MAML2: variants seen among roughly 807,000 people sequenced by gnomAD.
The protein encoded by MAML2 is mastermind like transcriptional coactivator 2.
A neutral mutation model predicts 96.1 loss-of-function variants in MAML2; 22 were observed. That is an observed-to-expected ratio of 0.23 (90% CI 0.16 to 0.33). MAML2 has a LOEUF of 0.33. MAML2 is among the 10% of genes least tolerant of loss of function. The pLI, the probability that MAML2 is intolerant of heterozygous loss-of-function variation, is 1.00. For synonymous variants in MAML2, 561 were observed against 521.3 expected (o/e 1.08, Z -1.04); for missense variants, 1,367 against 1,392.4 (o/e 0.98, Z 0.29).
At position 95,978,957 on chromosome 11, in the gene MAML2, G is replaced by A. The variant is rs1203520912; in HGVS notation, c.3462C>T (p.Asn1154=). ...KDINLDEILG[N]NS is the part of the protein sequence containing the mutation. ...GTCTTCCCTTTCTTCTTTAGGAATT[G>A]TTCCCCAAGATTTCATCAAGATTGA... Residue 1154 remains asparagine, a synonymous_variant, in exon 5 of 5, where the codon AAC becomes AAT. Transcript: ENST00000524717. 7.5e-6 allele frequency: 12 copies of A among 1,605,494 alleles called. No individual in the cohort carries two copies. The highest frequency in any genetic ancestry group is 1.7e-4 in the Middle Eastern group (1 of 6,030).
rs752748249 is a variant in MAML2 at position 96,333,353 on chromosome 11, G to GA, written c.513+8029dup. Among the ~76,000 whole-genome samples, 367 of 139,010 alleles carry GA rather than the reference G, an allele frequency of 2.6e-3. 1 individual carries two copies. Among genetic ancestry groups the GA allele is most frequent in the African/African-American group, 8.1e-3 (309 of 38,022 alleles). The allele number at this position is 139,010 out of a possible 152,430, so 91.2% of individuals were successfully genotyped here. ...TAAGGTTAAATCATGGGGAGTAAGCGAAAAAAAAAAAAGATAAAAATTTTT... is the reference window on the plus strand; with the variant it reads ...TAAGGTTAAATCATGGGGAGTAAGCGAAAAAAAAAAAAAGATAAAAATTTTT... On this transcript the variant is annotated intron_variant, in intron 1 of 4. Transcript: ENST00000524717.
chr11:96,326,568 G>A lies in MAML2; in HGVS notation c.513+14815C>T, dbSNP rs565698493. On this transcript the variant is annotated intron_variant, in intron 1 of 4. Transcript: ENST00000524717. ...TCCCAGCACTTTGGGGGGCCGAGGCGGGTGGATCACGAGGTCAGGAGTTCG... is the reference window on the plus strand; with the variant it reads ...TCCCAGCACTTTGGGGGGCCGAGGCAGGTGGATCACGAGGTCAGGAGTTCG... Among the ~76,000 whole-genome samples, 6 of 152,010 alleles carry A rather than the reference G, an allele frequency of 3.9e-5. No individual in the cohort carries two copies. The South Asian group carries it at 6.2e-4, about 16-fold the overall frequency.
chr11:96,080,492 A>C (rs886528424), intron 2 of MAML2, among the ~76,000 whole-genome samples: 5 of 152,244 alleles, frequency 3.3e-5, no homozygotes, highest in African/African-American at 1.2e-4. Context: ...TGGAATCATA[A>C]AATTCAAAAT....
At chr11:95,982,873 A>C (rs1857764004) in intron 4 of MAML2, among the ~76,000 whole-genome samples, 1 of 152,136 alleles carries the variant, frequency 6.6e-6, no homozygotes, top group Non-Finnish European at 1.5e-5. Flanking sequence ...TATTAAATGC[A>C]TTCGCTCACC....
At chr11:96,240,126 G>T (rs1862412968) in intron 1 of MAML2, among the ~76,000 whole-genome samples, 1 of 152,164 alleles carries the variant, frequency 6.6e-6, no homozygotes, top group Non-Finnish European at 1.5e-5. Context: ...AAAGCTAAGG[G>T]TCTGTGTCTT....
chr11:96,154,117 T>C (rs1435781969), intron 1 of MAML2, among the ~76,000 whole-genome samples: 1 of 152,182 alleles, frequency 6.6e-6, no homozygotes, highest in African/African-American at 2.4e-5. Flanking sequence ...GGAGGACTAC[T>C]TTAACAAAGC....
At chr11:96,304,447 G>A (rs1349909131) in intron 1 of MAML2, among the ~76,000 whole-genome samples, 1 of 152,194 alleles carries the variant, frequency 6.6e-6, no homozygotes, top group Non-Finnish European at 1.5e-5. Context: ...TGGGATGAGA[G>A]GCCAGTTTGG....
At chr11:96,153,940 A>C (rs1012502285) in intron 1 of MAML2, among the ~76,000 whole-genome samples, 1 of 107,330 alleles carries the variant, frequency 9.3e-6, no homozygotes, top group Non-Finnish European at 2.0e-5. Flanking sequence ...TAAATAAATA[A>C]ATAAATAAAT....
chr11:96,105,622 T>C (rs1860009434), intron 1 of MAML2, among the ~76,000 whole-genome samples: 1 of 152,244 alleles, frequency 6.6e-6, no homozygotes, highest in African/African-American at 2.4e-5. Flanking sequence ...ATCATTCTTT[T>C]GAAAGTTTTG....
chr11:96,249,761 C>T (rs1328015205), intron 1 of MAML2, among the ~76,000 whole-genome samples: 1 of 152,116 alleles, frequency 6.6e-6, no homozygotes, highest in Non-Finnish European at 1.5e-5. Flanking sequence ...CCATCACTTC[C>T]AACTTGTGCA....
intron 1 of MAML2, among the ~76,000 whole-genome samples, chr11:96,095,094 G>T (rs527608047): frequency 6.6e-6 from 1 of 152,142 alleles, no homozygotes; most frequent in African/African-American, 2.4e-5. Flanking sequence ...CACACAGCTA[G>T]CAAGTGGGCT....
At chr11:96,094,822 T>G (rs1202399581) in intron 1 of MAML2, among the ~76,000 whole-genome samples, 1 of 152,198 alleles carries the variant, frequency 6.6e-6, no homozygotes, top group Non-Finnish European at 1.5e-5. Context: ...CAAGAAAACA[T>G]TTCCTAGATA....
chr11:96,103,790 CCT>C (rs1362418437), intron 1 of MAML2, among the ~76,000 whole-genome samples: 2 of 152,148 alleles, frequency 1.3e-5, no homozygotes, highest in Non-Finnish European at 2.9e-5. Context: ...CCACATCTCG[CCT>C]CTCTCTGCCC....
At chr11:96,051,565 T>C (rs1032887516) in intron 2 of MAML2, among the ~76,000 whole-genome samples, 5 of 152,176 alleles carry the variant, frequency 3.3e-5, no homozygotes, top group Admixed American at 1.3e-4. Flanking sequence ...AGTCTGATTC[T>C]AGATCTCATG....
chr11:96,178,583 G>A (rs1861430930), intron 1 of MAML2, among the ~76,000 whole-genome samples: 1 of 152,146 alleles, frequency 6.6e-6, no homozygotes, highest in Non-Finnish European at 1.5e-5. Context: ...GGAAAAGGGA[G>A]CTGTACAACC....
intron 1 of MAML2, among the ~76,000 whole-genome samples, chr11:96,108,306 A>T (rs960776474): frequency 6.6e-6 from 1 of 152,214 alleles, no homozygotes; most frequent in Non-Finnish European, 1.5e-5. Context: ...AGTAGAAAAC[A>T]CACTTTGGCT....
chr11:96,084,077 C>T (rs1025905106), intron 2 of MAML2, among the ~76,000 whole-genome samples: 3 of 152,096 alleles, frequency 2.0e-5, no homozygotes, highest in Admixed American at 2.0e-4. Flanking sequence ...AAGCATGACA[C>T]TTCTCAGGAA....
intron 2 of MAML2, among the ~76,000 whole-genome samples, chr11:96,048,454 C>T (rs914662145): frequency 7.2e-5 from 11 of 152,020 alleles, no homozygotes; most frequent in Non-Finnish European, 1.5e-4. Flanking sequence ...TTTTTTTATA[C>T]AACTAATTTT....
At chr11:96,251,252 T>C (rs917105838) in intron 1 of MAML2, among the ~76,000 whole-genome samples, 6 of 152,224 alleles carry the variant, frequency 3.9e-5, no homozygotes, top group African/African-American at 1.4e-4. Context: ...CTCTCATCCC[T>C]AGAATTTTCA....
Sources: gnomAD v4.1 joint callset for allele counts (sites outside exome capture counted in the v4.1 genomes callset) on GRCh38, gnomAD v4.1.1 for gene constraint, MANE v1.5 for transcripts, NCBI Gene and HGNC (gene_info 2026-07-23, HGNC 2026-07-21) for gene names.